The following MACF1 variants were observed in gnomAD, a reference collection of about 807,000 sequenced individuals.
The protein encoded by MACF1 is microtubule-actin cross-linking factor 1.
A neutral mutation model predicts 854.8 loss-of-function variants in MACF1; 193 were observed. The ratio of observed to expected loss-of-function variants is 0.23; its 90% CI spans 0.20 to 0.25. The LOEUF (loss-of-function observed/expected upper bound fraction) is 0.25. MACF1 is among the 10% of genes least tolerant of loss of function. The probability of loss-of-function intolerance (pLI) is 1.00; values close to 1 mark genes in which losing one functional copy is unlikely to be tolerated. For synonymous variants in MACF1, 3,185 were observed against 3,226.7 expected (o/e 0.99, Z 0.44); for missense variants, 7,722 against 8,929.1 (o/e 0.86, Z 5.45).
intron 82 of MACF1, 32 bp downstream of exon 82, chr1:39,447,930 G>T: frequency 1.2e-6 from 2 of 1,612,770 alleles, no homozygotes; most frequent in Non-Finnish European, 1.7e-6. Flanking sequence ...CTAATTCACT[G>T]AAGAGTCTTG....
Position 39,391,393 on chromosome 1 carries a change from A to G in MACF1, c.15816+2735A>G, listed in dbSNP as rs568642454. Among the ~76,000 whole-genome samples, 13 of 152,222 alleles carry G rather than the reference A, an allele frequency of 8.5e-5. No homozygotes were observed. In the East Asian group the frequency reaches 2.3e-3, roughly 27 times the overall value. Reference sequence around the variant, plus strand: ...TTGTTTAGGGCCTCTATAGTATTATACTGGTTGGATTGGCTGTGCATGTGT... The same window carrying G: ...TTGTTTAGGGCCTCTATAGTATTATGCTGGTTGGATTGGCTGTGCATGTGT... On this transcript the variant is annotated intron_variant, in intron 58 of 100. Transcript: ENST00000564288.
Position 39,205,046 on chromosome 1 carries a change from T to C in MACF1, c.24T>C (p.Tyr8=), listed in dbSNP as rs1246586047. The change falls in exon 1 of 101, where the codon TAT becomes TAC. Residue 8 remains tyrosine, a synonymous_variant. Coordinates refer to ENST00000564288, the MANE Select transcript of MACF1 (RefSeq NM_001394062.1). MPLLDSS[Y]LPPTIFILTH... ...AAATGCCCCTCTTAGATTCATCTTA[T>C]TTACCACCAACCATCTTTATTTTGA... is the stretch of plus-strand genomic sequence containing the variant. 2.8e-6 allele frequency: 2 copies of C among 703,038 alleles called. No individual in the cohort carries two copies. The highest frequency in any genetic ancestry group is 3.0e-5 in the South Asian group (2 of 67,602). 43.5% of individuals were successfully genotyped at this position (703,038 alleles called of 1,614,324 possible). A position where few individuals can be genotyped will look rare whatever the true frequency, so the allele number is the denominator to read the frequency against.
intron 38 of MACF1, among the ~76,000 whole-genome samples, chr1:39,338,263 T>G (rs1352106937): frequency 2.0e-5 from 3 of 148,730 alleles, no homozygotes; most frequent in African/African-American, 7.3e-5. Flanking sequence ...TTGGGTTGTT[T>G]TTTTTTTTTA....
intron 41 of MACF1, among the ~76,000 whole-genome samples, chr1:39,349,262 A>G (rs754714010): frequency 6.6e-6 from 1 of 152,164 alleles, no homozygotes; most frequent in Non-Finnish European, 1.5e-5. Flanking sequence ...CATTCTCATA[A>G]TTATCCTGAT....
At chr1:39,224,856 G>A (rs910466907) in intron 1 of MACF1, among the ~76,000 whole-genome samples, 1 of 152,184 alleles carries the variant, frequency 6.6e-6, no homozygotes, top group African/African-American at 2.4e-5. Flanking sequence ...GACCCTTGTT[G>A]ACGAAGATCA....
intron 2 of MACF1, among the ~76,000 whole-genome samples, chr1:39,114,178 T>A (rs2148148090): frequency 9.3e-6 from 1 of 107,062 alleles, no homozygotes; most frequent in East Asian, 2.9e-4. Flanking sequence ...CTGTATACTT[T>A]ACTGTTTTTT....
chr1:39,330,600 T>G (rs1043714039), intron 36 of MACF1, among the ~76,000 whole-genome samples: 2 of 152,198 alleles, frequency 1.3e-5, no homozygotes, highest in East Asian at 3.8e-4. Flanking sequence ...CTTACCACCC[T>G]GTAGAGCTTG....
At chr1:39,430,933 T>A in intron 66 of MACF1, 25 bp downstream of exon 66, 1 of 1,585,528 alleles carries the variant, frequency 6.3e-7, no homozygotes, top group Non-Finnish European at 8.7e-7. Context: ...ACCTCTGCAT[T>A]AATATTTTAG....
At chr1:39,393,099 G>A (rs1314514405) in intron 58 of MACF1, among the ~76,000 whole-genome samples, 2 of 150,664 alleles carry the variant, frequency 1.3e-5, no homozygotes, top group African/African-American at 2.4e-5. Context: ...TGTCTAACAG[G>A]AGGCTAACAA....
chr1:39,359,317 C>A, intron 47 of MACF1, 53 bp downstream of exon 47: 1 of 1,586,052 alleles, frequency 6.3e-7, no homozygotes, highest in Non-Finnish European at 8.6e-7. Context: ...GTATGTACCT[C>A]TATTCTGCAA....
At chr1:39,380,824 A>T (rs1463828129) in intron 55 of MACF1, among the ~76,000 whole-genome samples, 1 of 152,114 alleles carries the variant, frequency 6.6e-6, no homozygotes. Flanking sequence ...AGGCGAGACG[A>T]TTGCTTGAGC....
At chr1:39,290,708 C>A (rs1362113481) in intron 15 of MACF1, among the ~76,000 whole-genome samples, 2 of 146,046 alleles carry the variant, frequency 1.4e-5, no homozygotes, top group Non-Finnish European at 3.0e-5. Context: ...ACTCTTGTTG[C>A]CCAAACTGGA....
intron 5 of MACF1, among the ~76,000 whole-genome samples, chr1:39,255,310 C>T (rs1239289845): frequency 6.6e-6 from 1 of 152,088 alleles, no homozygotes; most frequent in Non-Finnish European, 1.5e-5. Flanking sequence ...AAAAATACCT[C>T]TTTTGAGAGA....
Position 39,394,378 on chromosome 1 carries a change from T to G in MACF1, c.15816+5720T>G, listed in dbSNP as rs1642192604. 2.0e-5 allele frequency among the ~76,000 whole-genome samples: 3 copies of G among 151,594 alleles called. 1 individual carries two copies. In the South Asian group the frequency reaches 6.3e-4, roughly 32 times the overall value. ...GGCTCACGCCTGTAATCCCAGTACT[T>G]TGGAAGGCTGAGGTGGGTGGATCAC... On this transcript the variant is annotated intron_variant, in intron 58 of 100. Transcript: ENST00000564288.
chr1:39,310,158 T>C, intron 24 of MACF1, 87 bp from the exon 25 acceptor site: 1 of 1,042,488 alleles, frequency 9.6e-7, no homozygotes. Context: ...CACTGTTTTG[T>C]ATATATGTTA....
At chr1:39,473,017 G>A (rs548182540) in intron 97 of MACF1, among the ~76,000 whole-genome samples, 49 of 152,316 alleles carry the variant, frequency 3.2e-4, no homozygotes, top group African/African-American at 1.1e-3. Context: ...TTGTTCACAC[G>A]TCTTTGCATC....
At position 39,084,398 on chromosome 1, in the gene MACF1, G is replaced by T; in HGVS notation, c.180G>T (p.Ser60=). Reference sequence around the variant, plus strand: ...AGAAAAAGCGGAAAAGCCAGGATTCGGTGCTGGACCCTGCAGAGCGTGCTG... The same window carrying T: ...AGAAAAAGCGGAAAAGCCAGGATTCTGTGCTGGACCCTGCAGAGCGTGCTG... The change falls in exon 2 of 94, where the codon TCG becomes TCT. Residue 60 remains serine, a synonymous_variant. Coordinates refer to the MACF1 transcript ENST00000361689. This position sits in a 1 kb window ranked among gnomAD's most constrained non-coding sequence, Gnocchi z 5.2. The T allele has an allele frequency of 6.2e-7, 1 of 1,612,548 alleles. No homozygotes were observed.
intron 22 of MACF1, among the ~76,000 whole-genome samples, chr1:39,301,774 A>G (rs541365907): frequency 2.6e-5 from 4 of 151,874 alleles, no homozygotes; most frequent in African/African-American, 7.3e-5. Context: ...CTTAAATCTT[A>G]TAATAATTAC....
chr1:39,385,787 G>A lies in MACF1; in HGVS notation c.14202G>A (p.Glu4734=). ...EETSEIRSDL[E]QLDHEVKEAQ... ...CCAGTGAAATTCGATCTGACTTGGAGCAGTTAGACCACGAGGTTAAGGAGG... is the reference window on the plus strand; with the variant it reads ...CCAGTGAAATTCGATCTGACTTGGAACAGTTAGACCACGAGGTTAAGGAGG... Residue 4734 remains glutamate (E), a synonymous_variant, in exon 57 of 101, where the codon GAG becomes GAA. Transcript: ENST00000564288. 6.2e-7 allele frequency: 1 copy of A among 1,614,152 alleles called. No homozygotes were observed.
Sources: allele counts gnomAD v4.1 joint callset (sites outside exome capture counted in the v4.1 genomes callset), GRCh38; gene constraint gnomAD v4.1.1; non-coding constraint Gnocchi (gnomAD v3.1); transcripts MANE v1.5; gene names NCBI Gene and HGNC (gene_info 2026-07-23, HGNC 2026-07-21).